The following SULT2B1 variants were observed in gnomAD, a reference collection of about 807,000 sequenced individuals.
SULT2B1 encodes the protein sulfotransferase 2B1.
Under a neutral mutation model 33.2 loss-of-function variants are expected in SULT2B1, and 16 were observed. The observed-to-expected ratio is 0.48, with a 90% CI of 0.33 to 0.73. SULT2B1 has a LOEUF of 0.73. Among genes scored for constraint, SULT2B1 ranks in the 30% least tolerant of loss-of-function variants. The probability of loss-of-function intolerance (pLI) is 0.02; values close to 1 mark genes in which losing one functional copy is unlikely to be tolerated. For missense variants in SULT2B1, 500 were observed against 506.0 expected, an observed-to-expected ratio of 0.99 and a Z score of 0.11; for synonymous variants, 186 against 200.5, an observed-to-expected ratio of 0.93 and a Z score of 0.61.
At chr19:48,567,538 ACT>A (rs915348614) in intron 1 of SULT2B1, among the ~76,000 whole-genome samples, 2 of 151,774 alleles carry the variant, frequency 1.3e-5, no homozygotes, top group African/African-American at 4.8e-5. Flanking sequence ...ACAGAGCGAG[ACT>A]CTGTCTCAAC....
chr19:48,566,628 G>T (rs1468020074), intron 1 of SULT2B1, among the ~76,000 whole-genome samples: 2 of 151,748 alleles, frequency 1.3e-5, no homozygotes, highest in East Asian at 3.9e-4. Context: ...GATTGCTTGA[G>T]CTCGGGAGTT....
At chr19:48,595,013 C>T (rs967123770) in intron 5 of SULT2B1, among the ~76,000 whole-genome samples, 8 of 147,930 alleles carry the variant, frequency 5.4e-5, no homozygotes, top group African/African-American at 1.5e-4. Flanking sequence ...CAGAGCCAGG[C>T]TTAGTCTCAT....
intron 2 of SULT2B1, among the ~76,000 whole-genome samples, chr19:48,582,887 T>G (rs1201328187): frequency 6.7e-6 from 1 of 150,234 alleles, no homozygotes; most frequent in Non-Finnish European, 1.5e-5. Context: ...GCACGGTGGC[T>G]CATGCCTGTA....
chr19:48,564,707 G>A (rs1211042746), intron 1 of SULT2B1, among the ~76,000 whole-genome samples: 1 of 151,724 alleles, frequency 6.6e-6, no homozygotes, highest in African/African-American at 2.4e-5. Context: ...GTCCCTTTCA[G>A]GATACACTTA....
chr19:48,561,139 A>G (rs944637166), intron 1 of SULT2B1, among the ~76,000 whole-genome samples: 1 of 148,982 alleles, frequency 6.7e-6, no homozygotes, highest in Non-Finnish European at 1.5e-5. Flanking sequence ...TCTCAAAAAA[A>G]TAAATTCGGG....
chr19:48,565,294 G>T (rs1459940933), intron 1 of SULT2B1, among the ~76,000 whole-genome samples: 1 of 151,982 alleles, frequency 6.6e-6, no homozygotes, highest in Non-Finnish European at 1.5e-5. Context: ...AAACATTCCA[G>T]GCTGCATATT....
intron 1 of SULT2B1, among the ~76,000 whole-genome samples, chr19:48,569,260 T>G (rs1239866223): frequency 1.3e-5 from 2 of 149,964 alleles, no homozygotes; most frequent in Non-Finnish European, 2.9e-5. Flanking sequence ...CAGAATGGCG[T>G]GAATCCAGGA....
intron 4 of SULT2B1, among the ~76,000 whole-genome samples, chr19:48,592,045 G>A (rs1973650664): frequency 6.6e-6 from 1 of 152,138 alleles, no homozygotes; most frequent in African/African-American, 2.4e-5. Flanking sequence ...TGTAATCCCA[G>A]CACTTTGGGA....
At chr19:48,587,531 C>G in intron 3 of SULT2B1, 94 bp downstream of exon 3, 1 of 1,411,510 alleles carries the variant, frequency 7.1e-7, no homozygotes, top group Non-Finnish European at 9.9e-7. Flanking sequence ...CATTCAGCAC[C>G]TATTTGTTAA....
At chr19:48,593,048 G>A (rs1031523070) in intron 5 of SULT2B1, among the ~76,000 whole-genome samples, 9 of 152,142 alleles carry the variant, frequency 5.9e-5, no homozygotes, top group Non-Finnish European at 1.2e-4. Context: ...GAGCAAAGGC[G>A]AGTGGGAAGG....
chr19:48,567,211 C>T (rs1387787333), intron 1 of SULT2B1, among the ~76,000 whole-genome samples: 4 of 152,236 alleles, frequency 2.6e-5, no homozygotes, highest in African/African-American at 9.6e-5. Context: ...TCCTCAAGGG[C>T]ATCTGTCTAT....
At chr19:48,590,820 G>A (rs1973633656) in intron 3 of SULT2B1, among the ~76,000 whole-genome samples, 1 of 150,620 alleles carries the variant, frequency 6.6e-6, no homozygotes, top group Non-Finnish European at 1.5e-5. Flanking sequence ...ATCTGGGGGT[G>A]TTTTGTTTTG....
At chr19:48,558,439 G>T (rs1296292742) in intron 1 of SULT2B1, among the ~76,000 whole-genome samples, 1 of 152,138 alleles carries the variant, frequency 6.6e-6, no homozygotes, top group Non-Finnish European at 1.5e-5. Flanking sequence ...TGGACCTGGG[G>T]CGCCTCGGGC....
At chr19:48,560,542 G>A (rs1973162390) in intron 1 of SULT2B1, among the ~76,000 whole-genome samples, 1 of 151,436 alleles carries the variant, frequency 6.6e-6, no homozygotes, top group Admixed American at 6.6e-5. Context: ...TATATACCGT[G>A]AGCCCATAGG....
chr19:48,558,906 A>C (rs8113355), intron 1 of SULT2B1, among the ~76,000 whole-genome samples: 1 of 151,412 alleles, frequency 6.6e-6, no homozygotes, highest in East Asian at 1.9e-4. Context: ...GGCTTGTCTC[A>C]AACTCCTGAC....
chr19:48,577,705 C>G (rs1466072677), intron 2 of SULT2B1, among the ~76,000 whole-genome samples: 1 of 151,996 alleles, frequency 6.6e-6, no homozygotes, highest in African/African-American at 2.4e-5. Context: ...ACTCTTCCTT[C>G]CCTTTTTTCT....
At chr19:48,598,746 T>C (rs1241311828) in intron 6 of SULT2B1, among the ~76,000 whole-genome samples, 1 of 151,950 alleles carries the variant, frequency 6.6e-6, no homozygotes, top group Non-Finnish European at 1.5e-5. Flanking sequence ...GTGGGGGCAT[T>C]GAGACAGGAG....
chr19:48,556,493 G>A (rs1973101437), intron 1 of SULT2B1, among the ~76,000 whole-genome samples: 1 of 152,056 alleles, frequency 6.6e-6, no homozygotes, highest in Non-Finnish European at 1.5e-5. Flanking sequence ...GTGGCTTCAG[G>A]AGAGTAAGGG....
At chr19:48,597,036 AG>A (rs1455217083) in intron 6 of SULT2B1, 117 bp downstream of exon 6, 2 of 1,176,414 alleles carry the variant, frequency 1.7e-6, no homozygotes, top group African/African-American at 3.1e-5. Flanking sequence ...TTGGGTGAAC[AG>A]GGTCACTGTG....
Sources: gnomAD v4.1 joint callset for allele counts (sites outside exome capture counted in the v4.1 genomes callset) on GRCh38, gnomAD v4.1.1 for gene constraint, MANE v1.5 for transcripts, NCBI Gene and HGNC (gene_info 2026-07-23, HGNC 2026-07-21) for gene names.